The following GNPTAB variants were observed in gnomAD, a reference collection of about 807,000 sequenced individuals.
GNPTAB encodes N-acetylglucosamine-1-phosphotransferase subunits alpha/beta.
Under a neutral mutation model 136.6 loss-of-function variants are expected in GNPTAB, and 92 were observed. The observed-to-expected ratio is 0.67, with a 90% CI of 0.57 to 0.80. GNPTAB has a LOEUF of 0.80. Among genes scored for constraint, GNPTAB ranks in the 30% least tolerant of loss-of-function variants. The pLI, the probability that GNPTAB is intolerant of heterozygous loss-of-function variation, is 0.00. For missense variants in GNPTAB, 1,343 were observed against 1,501.8 expected (o/e 0.89, Z 1.75); for synonymous variants, 512 against 535.1 (o/e 0.96, Z 0.60).
chr12:101,811,172 A>C (rs1037458077), intron 1 of GNPTAB, among the ~76,000 whole-genome samples: 1 of 152,194 alleles, frequency 6.6e-6, no homozygotes, highest in African/African-American at 2.4e-5. Flanking sequence ...AGTAATTGCC[A>C]CTGTAAATCA....
At chr12:101,824,935 T>C (rs1035732157) in intron 1 of GNPTAB, among the ~76,000 whole-genome samples, 1 of 152,216 alleles carries the variant, frequency 6.6e-6, no homozygotes, top group Non-Finnish European at 1.5e-5. Context: ...ACCAACTTTA[T>C]GCTAAAATTA....
At chr12:101,822,818 A>G (rs1327032244) in intron 1 of GNPTAB, among the ~76,000 whole-genome samples, 1 of 152,230 alleles carries the variant, frequency 6.6e-6, no homozygotes, top group African/African-American at 2.4e-5. Flanking sequence ...AAGACAATAC[A>G]AAGAGCCAGT....
At chr12:101,790,576 G>C (rs1173335786) in intron 2 of GNPTAB, among the ~76,000 whole-genome samples, 2 of 152,008 alleles carry the variant, frequency 1.3e-5, no homozygotes, top group Non-Finnish European at 2.9e-5. Context: ...GACCAGCCTG[G>C]GCAACATAGT....
rs1953155939 is a variant in GNPTAB, at chr12:101,770,545, T to C, written c.974A>G (p.Asp325Gly). 20 of 1,613,922 alleles carry C rather than the reference T, an allele frequency of 1.2e-5. No homozygotes were observed. The highest frequency in any genetic ancestry group is 1.6e-5 in the Non-Finnish European group (19 of 1,179,794). Residue 325 changes from aspartate (D) to glycine (G), a missense_variant, in exon 9 of 21, where the codon GAT becomes GGT. Asp to Gly is a moderately conservative substitution (Grantham distance 94). Transcript: ENST00000299314. ...DEDISASRFE[D>G]NEELRYSLRS... The stretch of plus-strand genomic sequence containing the variant: ...CAATGAGTACCTCAGTTCTTCGTTA[T>C]CTTCAAAACGACTGGCAGAGATGTC...
chr12:101,780,727 T>C (rs951509114), intron 5 of GNPTAB, 106 bp from the exon 6 acceptor site: 4 of 807,100 alleles, frequency 5.0e-6, no homozygotes, highest in African/African-American at 1.7e-5. Context: ...AGCAGCATAA[T>C]ATATGGTCCA....
In GNPTAB at chr12:101,761,565, T is replaced by C. The variant is rs1952995125; in HGVS notation, c.2914A>G (p.Met972Val). 1.9e-6 allele frequency: 3 copies of C among 1,612,464 alleles called. No individual in the cohort carries two copies. The highest frequency in any genetic ancestry group is 2.2e-5 in the East Asian group (1 of 44,856). Reference sequence around the variant, plus strand: ...AACTCAAACACGAGCAAGACTTACATATCTTGCAGTTCTTGCATAACAATC... The same window carrying C: ...AACTCAAACACGAGCAAGACTTACACATCTTGCAGTTCTTGCATAACAATC... The part of the protein sequence containing the change: ...DRIVMQELQD[M>V]FPEEFDKTSF... The change falls in exon 14 of 21, where the codon ATG becomes GTG. Residue 972 changes from methionine (M) to valine (V), a missense_variant and splice_region_variant. Physicochemically the swap from Met to Val is conservative, Grantham distance 21 (BLOSUM62 1). Coordinates refer to ENST00000299314, the MANE Select transcript of GNPTAB (RefSeq NM_024312.5).
chr12:101,780,049 G>T, intron 7 of GNPTAB, 103 bp downstream of exon 7: 1 of 1,152,164 alleles, frequency 8.7e-7, no homozygotes, highest in Non-Finnish European at 1.3e-6. Context: ...TGCTTCTTAT[G>T]TTTATCAGCT....
At chr12:101,760,605 T>G (rs889958315) in intron 15 of GNPTAB, among the ~76,000 whole-genome samples, 19 of 152,088 alleles carry the variant, frequency 1.2e-4, no homozygotes, top group African/African-American at 4.6e-4. Context: ...CAATCCCTAC[T>G]GAAAACCTGC....
At chr12:101,805,522 G>A (rs542855156) in intron 1 of GNPTAB, among the ~76,000 whole-genome samples, 1 of 152,246 alleles carries the variant, frequency 6.6e-6, no homozygotes, top group South Asian at 2.1e-4. Flanking sequence ...AGCCTCCTGC[G>A]TAGCTGCGAC....
At chr12:101,814,434 C>A (rs557851983) in intron 1 of GNPTAB, among the ~76,000 whole-genome samples, 1 of 152,282 alleles carries the variant, frequency 6.6e-6, no homozygotes, top group East Asian at 1.9e-4. Context: ...CAGTGGCTCA[C>A]GTCTGTTAAT....
intron 1 of GNPTAB, among the ~76,000 whole-genome samples, chr12:101,818,030 G>A (rs1055144335): frequency 4.6e-5 from 7 of 152,180 alleles, no homozygotes; most frequent in Admixed American, 4.6e-4. Flanking sequence ...CAGCAGGCAA[G>A]TCCTAAACTG....
At chr12:101,760,777 TTTTC>T (rs1343783091) in intron 15 of GNPTAB, among the ~76,000 whole-genome samples, 1 of 148,772 alleles carries the variant, frequency 6.7e-6, no homozygotes, top group Non-Finnish European at 1.5e-5. Flanking sequence ...TAAAATTTTC[TTTTC>T]TTTTTTTTTT....
chr12:101,766,872 G>A (rs1378288848), intron 11 of GNPTAB, among the ~76,000 whole-genome samples: 4 of 152,172 alleles, frequency 2.6e-5, no homozygotes, highest in Admixed American at 6.5e-5. Context: ...CAAGGGGCAC[G>A]TGCTGACAGA....
chr12:101,753,526 G>A lies in GNPTAB; in HGVS notation c.3448C>T (p.Leu1150=). The A allele has an allele frequency of 6.2e-7, 1 of 1,613,700 alleles. No homozygotes were observed. Among genetic ancestry groups the A allele is most frequent in the Middle Eastern group, 1.7e-4 (1 of 6,060 alleles). Reference sequence around the variant, plus strand: ...TGATTGTGGTCAATGTTGTCATTCAGGCAAACAAACTTCCTGAAATAACAG... The same window carrying A: ...TGATTGTGGTCAATGTTGTCATTCAAGCAAACAAACTTCCTGAAATAACAG... ...IRKNPRKFVC[L]NDNIDHNHKD... is the part of the protein sequence containing the mutation. Residue 1150 remains leucine, a synonymous_variant, in exon 19 of 21, where the codon CTG becomes TTG. Transcript: ENST00000299314.
At chr12:101,815,503 T>A (rs1234281546) in intron 1 of GNPTAB, among the ~76,000 whole-genome samples, 3 of 152,118 alleles carry the variant, frequency 2.0e-5, no homozygotes, top group Non-Finnish European at 4.4e-5. Context: ...TCCCAGCTAC[T>A]CAGGGGGCTG....
chr12:101,809,277 C>CG (rs1444544393), intron 1 of GNPTAB, among the ~76,000 whole-genome samples: 27 of 152,328 alleles, frequency 1.8e-4, no homozygotes, highest in African/African-American at 6.5e-4. Flanking sequence ...ATCCAAAACA[C>CG]TGACAACACC....
intron 13 of GNPTAB, 97 bp downstream of exon 13, chr12:101,764,105 C>T (rs1953045382): frequency 2.0e-6 from 3 of 1,504,576 alleles, no homozygotes; most frequent in Middle Eastern, 1.7e-4. Flanking sequence ...ATGGCCGGCA[C>T]AGGGAAGTGC....
chr12:101,808,154 G>A (rs912321520), intron 1 of GNPTAB, among the ~76,000 whole-genome samples: 5 of 152,144 alleles, frequency 3.3e-5, no homozygotes, highest in South Asian at 2.1e-4. Context: ...TTCACAGACA[G>A]GAAGGCTCAA....
chr12:101,788,004 G>A (rs1412621524), intron 4 of GNPTAB, among the ~76,000 whole-genome samples: 1 of 151,956 alleles, frequency 6.6e-6, no homozygotes, highest in Non-Finnish European at 1.5e-5. Context: ...TGGTTAAGTG[G>A]GGAGGTGACA....
Sources: gnomAD v4.1 joint callset for allele counts (sites outside exome capture counted in the v4.1 genomes callset) on GRCh38, gnomAD v4.1.1 for gene constraint, MANE v1.5 for transcripts, NCBI Gene and HGNC (gene_info 2026-07-23, HGNC 2026-07-21) for gene names.